Variants in ASIC2 observed in about 807,000 individuals in gnomAD.
ASIC2 encodes acid-sensing ion channel 2.
Under a neutral mutation model 57.3 loss-of-function variants are expected in ASIC2, and 25 were observed. That is an observed-to-expected ratio of 0.44 (90% CI 0.32 to 0.61). The LOEUF is 0.61. Ranked by LOEUF, ASIC2 falls within the 20% of genes least tolerant of loss-of-function variation. ASIC2 has a pLI of 0.06. For missense variants in ASIC2, 641 were observed against 738.1 expected (o/e 0.87, Z 1.52); for synonymous variants, 319 against 307.5 (o/e 1.04, Z -0.39).
intron 1 of ASIC2, among the ~76,000 whole-genome samples, chr17:33,975,467 G>A (rs1905353352): frequency 6.6e-6 from 1 of 151,974 alleles, no homozygotes; most frequent in Non-Finnish European, 1.5e-5. Flanking sequence ...CTGTTTTCTA[G>A]GAAAGTCAGA....
At chr17:33,211,511 G>A (rs1907270949) in intron 1 of ASIC2, among the ~76,000 whole-genome samples, 1 of 148,446 alleles carries the variant, frequency 6.7e-6, no homozygotes, top group Non-Finnish European at 1.5e-5. Context: ...AATAAAGATA[G>A]GATAAAGTAA....
chr17:33,766,316 G>A (rs561798359), intron 1 of ASIC2, among the ~76,000 whole-genome samples: 1 of 152,282 alleles, frequency 6.6e-6, no homozygotes, highest in African/African-American at 2.4e-5. Context: ...AGTATCATTG[G>A]CTTCAAGCAG....
chr17:33,729,378 A>G (rs1909667192), intron 1 of ASIC2, among the ~76,000 whole-genome samples: 1 of 152,134 alleles, frequency 6.6e-6, no homozygotes, highest in Non-Finnish European at 1.5e-5. Context: ...TACTACCCCC[A>G]TGATCCAAAC....
chr17:33,675,718 T>G (rs964754859), intron 1 of ASIC2, among the ~76,000 whole-genome samples: 4 of 152,114 alleles, frequency 2.6e-5, no homozygotes, highest in Admixed American at 1.3e-4. Context: ...ACTACAGACG[T>G]GTACTACCAC....
At chr17:33,241,006 AT>A (rs1340834948) in intron 1 of ASIC2, among the ~76,000 whole-genome samples, 4 of 152,148 alleles carry the variant, frequency 2.6e-5, no homozygotes, top group African/African-American at 9.7e-5. Flanking sequence ...TATCTCACTT[AT>A]CACCCAGACC....
intron 3 of ASIC2, among the ~76,000 whole-genome samples, chr17:33,073,830 G>A (rs925082195): frequency 1.3e-5 from 2 of 152,208 alleles, no homozygotes; most frequent in Non-Finnish European, 1.5e-5. Flanking sequence ...GGGCCCAGCC[G>A]CTATGGGCTG....
rs781193470 is a variant in ASIC2, at chr17:33,434,735, T to C, written c.556-322668A>G. ...AGCAAAATAACCAAAGAGCCATTGA[T>C]AGTAAAGGTTTGGCAGTGAGCGTTA... On this transcript the variant is annotated intron_variant, in intron 1 of 9. Coordinates refer to the ASIC2 transcript ENST00000359872. Among the ~76,000 whole-genome samples the C allele has an allele frequency of 3.4e-4, 52 of 152,174 alleles. 1 individual carries two copies. The highest frequency in any genetic ancestry group is 2.9e-5 in the Non-Finnish European group (2 of 68,020).
intron 1 of ASIC2, among the ~76,000 whole-genome samples, chr17:33,498,248 T>A (rs1323728293): frequency 2.0e-5 from 3 of 152,192 alleles, no homozygotes; most frequent in Non-Finnish European, 4.4e-5. Flanking sequence ...CACCAGGAAC[T>A]GTTGAGCAAT....
rs535081190 is a variant in ASIC2 at position 33,083,734 on chromosome 17, C to T, written c.987+5129G>A. On this transcript the variant is annotated intron_variant, in intron 3 of 9. Transcript: ENST00000225823. The stretch of plus-strand genomic sequence containing the variant: ...GTTCTGCATCATTGGGATGTAGGGT[C>T]CATCCTAGTCAACCACAGGCAGATG... Among the ~76,000 whole-genome samples the T allele has an allele frequency of 2.0e-5, 3 of 152,280 alleles. No homozygotes were observed. The South Asian group carries it at 6.2e-4, about 32-fold the overall frequency.
chr17:33,362,276 G>T (rs550992478), intron 1 of ASIC2, among the ~76,000 whole-genome samples: 7 of 151,508 alleles, frequency 4.6e-5, no homozygotes, highest in Non-Finnish European at 7.4e-5. Flanking sequence ...TGAAATTATA[G>T]GGTTCTTGAA....
chr17:33,723,442 C>G (rs1178615221), intron 1 of ASIC2, among the ~76,000 whole-genome samples: 1 of 152,164 alleles, frequency 6.6e-6, no homozygotes, highest in Non-Finnish European at 1.5e-5. Context: ...GATTCTTATG[C>G]CTCAGCCTCC....
intron 2 of ASIC2, among the ~76,000 whole-genome samples, chr17:33,109,226 C>T (rs1395294968): frequency 6.6e-6 from 1 of 152,100 alleles, no homozygotes; most frequent in Non-Finnish European, 1.5e-5. Context: ...ACCACCTGTT[C>T]CCCCAAAATC....
chr17:33,698,788 G>A (rs1167008988), intron 1 of ASIC2, among the ~76,000 whole-genome samples: 1 of 152,070 alleles, frequency 6.6e-6, no homozygotes, highest in Non-Finnish European at 1.5e-5. Context: ...GGCTGAATGG[G>A]GTCTATGGCT....
intron 1 of ASIC2, among the ~76,000 whole-genome samples, chr17:33,232,759 C>T (rs993058758): frequency 5.9e-5 from 9 of 152,240 alleles, no homozygotes; most frequent in East Asian, 1.9e-4. Flanking sequence ...TTCAAATAAA[C>T]CCATTAATAT....
chr17:34,109,964 A>AAGAG (rs1012780679), intron 1 of ASIC2, among the ~76,000 whole-genome samples: 2 of 150,924 alleles, frequency 1.3e-5, no homozygotes, highest in African/African-American at 2.4e-5. Flanking sequence ...GTGAGAGAGA[A>AAGAG]AGAGAGAGAG....
chr17:33,750,657 T>C (rs1910403290), intron 1 of ASIC2, among the ~76,000 whole-genome samples: 1 of 152,144 alleles, frequency 6.6e-6, no homozygotes, highest in South Asian at 2.1e-4. Flanking sequence ...TCAGAGTTTG[T>C]TTTTCTGTTT....
At chr17:33,588,718 G>A (rs1904725492) in intron 1 of ASIC2, among the ~76,000 whole-genome samples, 1 of 152,206 alleles carries the variant, frequency 6.6e-6, no homozygotes, top group East Asian at 1.9e-4. Flanking sequence ...GAGGGAAGGT[G>A]TTACCTTATA....
intron 1 of ASIC2, among the ~76,000 whole-genome samples, chr17:33,880,456 C>A (rs1211417700): frequency 6.6e-6 from 1 of 152,076 alleles, no homozygotes; most frequent in Non-Finnish European, 1.5e-5. Context: ...ATATAAACTA[C>A]CATCAGAGAA....
At chr17:33,749,040 G>A (rs1359000038) in intron 1 of ASIC2, among the ~76,000 whole-genome samples, 1 of 152,138 alleles carries the variant, frequency 6.6e-6, no homozygotes, top group Non-Finnish European at 1.5e-5. Flanking sequence ...GAGGTGAGAG[G>A]AGAGCAAGCT....
Sources: gnomAD v4.1 joint callset for allele counts (sites outside exome capture counted in the v4.1 genomes callset) on GRCh38, gnomAD v4.1.1 for gene constraint, MANE v1.5 for transcripts, NCBI Gene and HGNC (gene_info 2026-07-23, HGNC 2026-07-21) for gene names.